PCDHGA2: variants seen among roughly 807,000 people sequenced by gnomAD.
PCDHGA2 encodes protocadherin gamma-A2.
A neutral mutation model predicts 59.2 loss-of-function variants in PCDHGA2; 40 were observed. That is an observed-to-expected ratio of 0.68 (90% CI 0.52 to 0.88). The LOEUF (loss-of-function observed/expected upper bound fraction) is 0.88. PCDHGA2 is among the 40% of genes least tolerant of loss of function. The pLI is 0.00. For synonymous variants in PCDHGA2, 560 were observed against 526.0 expected (o/e 1.06, Z -0.89); for missense variants, 1,226 against 1,204.0 (o/e 1.02, Z -0.27).
intron 1 of PCDHGA2, chr5:141,419,210 G>A: frequency 6.2e-7 from 1 of 1,613,926 alleles, no homozygotes; most frequent in Non-Finnish European, 8.5e-7. Flanking sequence ...CAACGCGCCG[G>A]TTTTCGGACA....
intron 1 of PCDHGA2, among the ~76,000 whole-genome samples, chr5:141,474,163 T>A (rs958292802): frequency 2.0e-5 from 3 of 152,178 alleles, no homozygotes; most frequent in Non-Finnish European, 2.9e-5. Flanking sequence ...ATGACAGGCC[T>A]TATTATTGAG....
chr5:141,441,627 G>C (rs1239011684), intron 1 of PCDHGA2: 1 of 223,512 alleles, frequency 4.5e-6, no homozygotes, highest in Non-Finnish European at 9.0e-6. Context: ...CAGTGACCTG[G>C]AGCCACAGGC....
At position 141,432,297 on chromosome 5, in the gene PCDHGA2, T is replaced by C. The variant is rs1339659774; in HGVS notation, c.2425-62510T>C. 3.1e-6 allele frequency: 5 copies of C among 1,614,040 alleles called. No individual in the cohort carries two copies. The highest frequency in any genetic ancestry group is 1.7e-5 in the Admixed American group (1 of 60,006). ...GTGTCCATCAACTCCGACACTGGGG[T>C]ACTGTATGCGCTGAGCTCCTTCGAC... On this transcript the variant is annotated intron_variant, in intron 1 of 3. Transcript: ENST00000394576. This position sits in a 1 kb window ranked among gnomAD's most constrained non-coding sequence, Gnocchi z 6.0.
In PCDHGA2 at chr5:141,372,495, G is replaced by A. The variant is rs770848334; in HGVS notation, c.2424+31100G>A. On this transcript the variant is annotated intron_variant, in intron 1 of 3. Transcript: ENST00000394576. The stretch of plus-strand genomic sequence containing the variant: ...AGTAGTGGCGTTGGCCTTGATCTCA[G>A]TGCTCTTCCTCCTCGCGGTGATTCT... 2.0e-5 allele frequency: 32 copies of A among 1,613,936 alleles called. No individual in the cohort carries two copies. Among genetic ancestry groups the A allele is most frequent in the Non-Finnish European group, 2.6e-5 (31 of 1,179,902 alleles).
rs992731708 is a variant in PCDHGA2, at chr5:141,338,888, G to T, written c.-84G>T. ...AGGGACCTGGGTCCCGTGAATGCTGGTTATCTCACACCCTGAGGAATAAAG... is the reference window on the plus strand; with the variant it reads ...AGGGACCTGGGTCCCGTGAATGCTGTTTATCTCACACCCTGAGGAATAAAG... On this transcript the variant is annotated 5_prime_UTR_variant, in exon 1 of 4. Coordinates refer to ENST00000394576, the MANE Select transcript of PCDHGA2 (RefSeq NM_018915.4). The T allele has an allele frequency of 8.2e-6, 12 of 1,469,614 alleles. No homozygotes were observed. The highest frequency in any genetic ancestry group is 9.9e-6 in the Non-Finnish European group (11 of 1,111,458). The allele number at this position is 1,469,614 out of a possible 1,614,324, so 91.0% of individuals were successfully genotyped here.
chr5:141,455,759 A>G (rs1013283124), intron 1 of PCDHGA2, among the ~76,000 whole-genome samples: 4 of 152,300 alleles, frequency 2.6e-5, no homozygotes, highest in South Asian at 4.1e-4. Context: ...CCTGGCTCCT[A>G]GAGCCGGGGC....
intron 1 of PCDHGA2, chr5:141,405,325 G>A: frequency 5.6e-6 from 9 of 1,614,170 alleles, no homozygotes; most frequent in African/African-American, 1.3e-5. Context: ...ATGAGCCTTT[G>A]TGCGTCTCTG....
At chr5:141,384,579 C>T (rs746315101) in intron 1 of PCDHGA2, 13 of 1,614,128 alleles carry the variant, frequency 8.1e-6, no homozygotes, top group African/African-American at 8.0e-5. Flanking sequence ...ACAACCCGCC[C>T]GAGATCCTGT....
At chr5:141,385,113 G>A (rs541716228) in intron 1 of PCDHGA2, 3 of 1,614,166 alleles carry the variant, frequency 1.9e-6, no homozygotes, top group South Asian at 2.2e-5. Context: ...TGCCCACCTC[G>A]CACTTTGTGG....
intron 1 of PCDHGA2, chr5:141,478,026 C>G: frequency 6.2e-7 from 1 of 1,614,180 alleles, no homozygotes; most frequent in Non-Finnish European, 8.5e-7. Flanking sequence ...GTCCAAGACA[C>G]AGATTCACCC....
At chr5:141,405,035 G>C in intron 1 of PCDHGA2, 1 of 1,613,964 alleles carries the variant, frequency 6.2e-7, no homozygotes, top group South Asian at 1.1e-5. Context: ...CTACCTCGTT[G>C]TGGCTGTGGC....
At chr5:141,403,046 C>T in intron 1 of PCDHGA2, 1 of 1,614,056 alleles carries the variant, frequency 6.2e-7, no homozygotes, top group Non-Finnish European at 8.5e-7. Flanking sequence ...CAGTCAGATT[C>T]GCTACTCAGT....
chr5:141,417,910 A>G (rs1339671115), intron 1 of PCDHGA2: 2 of 1,599,246 alleles, frequency 1.3e-6, no homozygotes, highest in East Asian at 2.3e-5. Flanking sequence ...GGCAGGTACT[A>G]TTTCCTTTGC....
chr5:141,425,348 A>C (rs2096869744), intron 1 of PCDHGA2, among the ~76,000 whole-genome samples: 1 of 152,242 alleles, frequency 6.6e-6, no homozygotes, highest in Non-Finnish European at 1.5e-5. Context: ...GTTGGCTTTG[A>C]AATGTGATAT....
intron 1 of PCDHGA2, chr5:141,364,929 T>C (rs751043135): frequency 1.9e-6 from 3 of 1,613,810 alleles, no homozygotes; most frequent in African/African-American, 2.7e-5. Context: ...GAACAGCCCC[T>C]AGACCGCGAG....
intron 1 of PCDHGA2, among the ~76,000 whole-genome samples, chr5:141,457,863 C>A (rs2098930968): frequency 6.6e-6 from 1 of 152,194 alleles, no homozygotes; most frequent in Non-Finnish European, 1.5e-5. Flanking sequence ...TCTTCACTGA[C>A]CACAGGTTAG....
At chr5:141,354,052 T>C (rs1759458533) in intron 1 of PCDHGA2, among the ~76,000 whole-genome samples, 1 of 152,240 alleles carries the variant, frequency 6.6e-6, no homozygotes, top group Non-Finnish European at 1.5e-5. Flanking sequence ...CATGCAATGA[T>C]AATCCATGTT....
chr5:141,351,457 G>A (rs1461489650), intron 1 of PCDHGA2: 3 of 1,613,298 alleles, frequency 1.9e-6, no homozygotes, highest in East Asian at 2.2e-5. Context: ...ATTATTACAA[G>A]CTGGTGATTG....
At chr5:141,440,113 G>A (rs1375262224) in intron 1 of PCDHGA2, 1 of 152,248 alleles carries the variant, frequency 6.6e-6, no homozygotes, top group Non-Finnish European at 1.5e-5. Context: ...ACTTACTTGT[G>A]AATGACTGAA....
Sources: allele counts gnomAD v4.1 joint callset (sites outside exome capture counted in the v4.1 genomes callset), GRCh38; gene constraint gnomAD v4.1.1; non-coding constraint Gnocchi (gnomAD v3.1); transcripts MANE v1.5; gene names NCBI Gene and HGNC (gene_info 2026-07-23, HGNC 2026-07-21).